Variants in RCOR3 observed in about 807,000 individuals in gnomAD.
The protein encoded by RCOR3 is REST corepressor 3.
RCOR3 carries 13 observed loss-of-function variants against 64.1 expected under a neutral mutation model. The observed-to-expected ratio is 0.20, with a 90% CI of 0.13 to 0.32. The LOEUF (loss-of-function observed/expected upper bound fraction) is 0.32, where lower values mean the gene tolerates loss of function less well. Ranked by LOEUF, RCOR3 falls within the 10% of genes least tolerant of loss-of-function variation. The probability of loss-of-function intolerance (pLI) is 1.00; values close to 1 mark genes in which losing one functional copy is unlikely to be tolerated. For missense variants in RCOR3, 489 were observed against 701.2 expected, an observed-to-expected ratio of 0.70 and a Z score of 3.42; for synonymous variants, 215 against 239.0, an observed-to-expected ratio of 0.90 and a Z score of 0.93.
intron 7 of RCOR3, among the ~76,000 whole-genome samples, chr1:211,285,264 G>T (rs573942939): frequency 1.3e-5 from 2 of 152,170 alleles, no homozygotes; most frequent in South Asian, 2.1e-4. Context: ...AAAGAGAATC[G>T]TTTTTGTTTC....
In RCOR3 at chr1:211,312,733, T is replaced by C. The variant is rs1033235305; in HGVS notation, c.1089T>C (p.Tyr363=). 3 of 1,613,876 alleles carry C rather than the reference T, an allele frequency of 1.9e-6. No individual in the cohort carries two copies. Among genetic ancestry groups the C allele is most frequent in the Non-Finnish European group, 2.5e-6 (3 of 1,179,932 alleles). The change falls in exon 11 of 12, where the codon TAT becomes TAC. Residue 363 remains tyrosine, a synonymous_variant. Coordinates refer to ENST00000419091, the MANE Select transcript of RCOR3 (RefSeq NM_001136223.3). This position sits in a 1 kb window ranked among gnomAD's most constrained non-coding sequence, Gnocchi z 5.0. The part of the protein sequence containing the change: ...QLLAVQGVRK[Y]GKDFQAIADV... ...TTTGCCTTCCAGGTGTCCGCAAATA[T>C]GGTAAAGATTTTCAAGCTATTGCAG...
At chr1:211,311,291 G>A (rs779504556) in intron 10 of RCOR3, among the ~76,000 whole-genome samples, 5 of 152,168 alleles carry the variant, frequency 3.3e-5, no homozygotes, top group Middle Eastern at 3.4e-3. Context: ...TTATTGTCAT[G>A]TACATGTATT....
intron 9 of RCOR3, among the ~76,000 whole-genome samples, chr1:211,297,187 C>A (rs1300346221): frequency 6.6e-6 from 1 of 152,108 alleles, no homozygotes; most frequent in Non-Finnish European, 1.5e-5. Context: ...TAATTCTAAT[C>A]TCATATTTTC....
At position 211,303,387 on chromosome 1, in the gene RCOR3, C is replaced by G. The variant is rs1700568765; in HGVS notation, c.1018-696C>G. The stretch of plus-strand genomic sequence containing the variant: ...CCCCTTCTCAAAGGAAGCCCTCTTT[C>G]TGTTTTGCCCAACATGCCTCGGTAT... On this transcript the variant is annotated intron_variant, in intron 9 of 11. Transcript: ENST00000419091. 1.3e-5 allele frequency: 2 copies of G among 152,222 alleles called. 1 individual carries two copies. Among genetic ancestry groups the G allele is most frequent in the South Asian group, 4.1e-4 (2 of 4,828 alleles). 9.4% of individuals were successfully genotyped at this position (152,222 alleles called of 1,614,324 possible).
Position 211,314,404 on chromosome 1 carries a change from T to C in RCOR3, c.*636T>C, listed in dbSNP as rs2102689441. ...AATTTAATCAATTGCAAAGCAATTA[T>C]ATAAAACCACAAAGAATGTACTGAA... is the stretch of plus-strand genomic sequence containing the variant. On this transcript the variant is annotated 3_prime_UTR_variant, in exon 12 of 12. Transcript: ENST00000419091. The C allele has an allele frequency of 2.0e-5, 3 of 152,412 alleles. No individual in the cohort carries two copies. The highest frequency in any genetic ancestry group is 6.8e-3 in the Middle Eastern group (2 of 294). 9.4% of individuals were successfully genotyped at this position (152,412 alleles called of 1,614,324 possible). A position where few individuals can be genotyped will look rare whatever the true frequency, so the allele number is the denominator to read the frequency against.
At chr1:211,260,220 G>T in intron 2 of RCOR3, 56 bp downstream of exon 2, 1 of 1,556,162 alleles carries the variant, frequency 6.4e-7, no homozygotes. Context: ...CTTGGTTTGG[G>T]GTGGACGGGC....
intron 9 of RCOR3, among the ~76,000 whole-genome samples, chr1:211,297,382 G>C (rs908065669): frequency 6.6e-6 from 1 of 152,104 alleles, no homozygotes; most frequent in African/African-American, 2.4e-5. Context: ...TAACCAACTT[G>C]TTCAAGGTGA....
intron 2 of RCOR3, among the ~76,000 whole-genome samples, chr1:211,264,307 G>A (rs1174422586): frequency 6.6e-6 from 1 of 152,154 alleles, no homozygotes; most frequent in Non-Finnish European, 1.5e-5. Context: ...TATGTAGAAT[G>A]TAGAAAAATT....
intron 8 of RCOR3, 42 bp from the exon 9 acceptor site, chr1:211,295,634 A>G: frequency 1.3e-6 from 2 of 1,531,696 alleles, no homozygotes; most frequent in South Asian, 1.1e-5. Flanking sequence ...AAATTTACCT[A>G]AGTACGCGAT....
intron 8 of RCOR3, among the ~76,000 whole-genome samples, chr1:211,292,074 GA>G (rs923056747): frequency 2.1e-3 from 309 of 150,218 alleles, no homozygotes; most frequent in African/African-American, 2.7e-3. Flanking sequence ...GTTTACAGTA[GA>G]AAAAAAAAAT....
intron 2 of RCOR3, among the ~76,000 whole-genome samples, chr1:211,268,663 C>T (rs976856454): frequency 2.6e-5 from 4 of 152,068 alleles, no homozygotes; most frequent in Admixed American, 6.5e-5. Context: ...AGACTTGAGC[C>T]ACAGGGCCTG....
chr1:211,293,419 A>G (rs4951738), intron 8 of RCOR3, among the ~76,000 whole-genome samples: 146,555 of 152,270 alleles, frequency 0.96, 70,548 homozygotes, highest in East Asian at 1. Flanking sequence ...TTGCCTTTTC[A>G]CCTTAGGGCT....
chr1:211,259,941 GC>G, intron 1 of RCOR3, 166 bp from the exon 2 acceptor site: 1 of 249,452 alleles, frequency 4.0e-6, no homozygotes, highest in Non-Finnish European at 5.1e-6. Flanking sequence ...CCCGCTCCCC[GC>G]CCCCAATCCG....
At chr1:211,265,598 A>C (rs781437215) in intron 2 of RCOR3, among the ~76,000 whole-genome samples, 2 of 152,274 alleles carry the variant, frequency 1.3e-5, no homozygotes, top group Non-Finnish European at 2.9e-5. Context: ...GGGCACCTGT[A>C]ATCCCAGCTA....
intron 2 of RCOR3, among the ~76,000 whole-genome samples, chr1:211,270,162 CA>C (rs1281594963): frequency 6.6e-6 from 1 of 150,660 alleles, no homozygotes; most frequent in Non-Finnish European, 1.5e-5. Context: ...CTCCTGGGTT[CA>C]AGCAGTTCTC....
chr1:211,312,945 C>T lies in RCOR3; in HGVS notation c.1301C>T (p.Thr434Ile), dbSNP rs1290458116. The T allele has an allele frequency of 1.2e-6, 2 of 1,613,936 alleles. No individual in the cohort carries two copies. Among genetic ancestry groups the T allele is most frequent in the African/African-American group, 2.7e-5 (2 of 74,856 alleles). ...TCTAATGTGCCATCAGGGAAGAGCA[C>T]TGATGAAGAAGAGGAGGTGTGTTTG... ...SASNVPSGKS[T>I]DEEEEAQTPQ... The change falls in exon 11 of 12, where the codon ACT becomes ATT. Residue 434 changes from threonine (T) to isoleucine (I), a missense_variant. By Grantham distance (89) the Thr-to-Ile change is moderately conservative (BLOSUM62 -1). Around this residue, in one of 2 missense-constraint regions of RCOR3, gnomAD observed 402 missense variants for 617.0 expected, o/e 0.65. Transcript: ENST00000419091. This position sits in a 1 kb window ranked among gnomAD's most constrained non-coding sequence, Gnocchi z 5.0.
At position 211,314,947 on chromosome 1, in the gene RCOR3, A is replaced by G. The variant is rs1701790907; in HGVS notation, c.*1179A>G. ...GTTCTGTGTTATCTAAAGATGTATC[A>G]GTATATTGTCACAGTTGTGCTGTTA... On this transcript the variant is annotated 3_prime_UTR_variant, in exon 12 of 12. Coordinates refer to ENST00000419091, the MANE Select transcript of RCOR3 (RefSeq NM_001136223.3). 1 of 152,230 alleles carries G rather than the reference A, an allele frequency of 6.6e-6. No individual in the cohort carries two copies. Among genetic ancestry groups the G allele is most frequent in the Non-Finnish European group, 1.5e-5 (1 of 68,024 alleles). 9.4% of individuals were successfully genotyped at this position (152,230 alleles called of 1,614,324 possible).
At chr1:211,289,509 T>A (rs1432338183) in intron 8 of RCOR3, 113 bp downstream of exon 8, 22 of 797,812 alleles carry the variant, frequency 2.8e-5, no homozygotes, top group East Asian at 2.4e-4. Flanking sequence ...CATCCACTTA[T>A]GCAGGTTTCA....
chr1:211,260,128 G>A lies in RCOR3; in HGVS notation c.187G>A (p.Ala63Thr). ...DEHDVGMRVG[A>T]EYQARIPEFD... ...TGCAGATGTTGGGATGAGAGTCGGA[G>A]CCGAATACCAAGCTCGGATCCCTGA... The change falls in exon 2 of 12, where the codon GCC becomes ACC. Residue 63 changes from alanine to threonine, a missense_variant. Physicochemically the swap from Ala to Thr is moderately conservative, Grantham distance 58. Coordinates refer to ENST00000419091, the MANE Select transcript of RCOR3 (RefSeq NM_001136223.3). 1 of 1,612,320 alleles carries A rather than the reference G, an allele frequency of 6.2e-7. No homozygotes were observed. Among genetic ancestry groups the A allele is most frequent in the Non-Finnish European group, 8.5e-7 (1 of 1,178,942 alleles).
Sources: allele counts gnomAD v4.1 joint callset (sites outside exome capture counted in the v4.1 genomes callset), GRCh38; gene constraint gnomAD v4.1.1; regional missense constraint gnomAD v4.1.1; non-coding constraint Gnocchi (gnomAD v3.1); transcripts MANE v1.5; gene names NCBI Gene and HGNC (gene_info 2026-07-23, HGNC 2026-07-21).